ROBO2: variants seen among roughly 807,000 people sequenced by gnomAD.
The protein encoded by ROBO2 is roundabout guidance receptor 2, also known as roundabout homolog 2.
Under a neutral mutation model 160.8 loss-of-function variants are expected in ROBO2, and 53 were observed. The ratio of observed to expected loss-of-function variants is 0.33; its 90% confidence interval spans 0.26 to 0.41. The LOEUF is 0.41. Among genes scored for constraint, ROBO2 ranks in the 10% least tolerant of loss-of-function variants. The pLI, the probability that ROBO2 is intolerant of heterozygous loss-of-function variation, is 1.00. For synonymous variants in ROBO2, 664 were observed against 611.7 expected (o/e 1.09, Z -1.26); for missense variants, 1,577 against 1,722.4 (o/e 0.92, Z 1.49).
intron 2 of ROBO2, among the ~76,000 whole-genome samples, chr3:76,150,277 C>T (rs2072119777): frequency 6.8e-6 from 1 of 146,314 alleles, no homozygotes; most frequent in African/African-American, 2.5e-5. Flanking sequence ...GTTTAAAACA[C>T]TCATCTGTCT....
chr3:76,009,967 A>C (rs1471654138), intron 2 of ROBO2, among the ~76,000 whole-genome samples: 1 of 152,066 alleles, frequency 6.6e-6, no homozygotes, highest in Non-Finnish European at 1.5e-5. Flanking sequence ...TGATTCAGTG[A>C]TTACTATTTC....
At chr3:77,509,788 G>A (rs2089135877) in intron 5 of ROBO2, among the ~76,000 whole-genome samples, 1 of 151,990 alleles carries the variant, frequency 6.6e-6, no homozygotes. Flanking sequence ...CAACAAATTT[G>A]TCACGGCTGC....
At chr3:76,968,236 T>A (rs1329930818) in intron 2 of ROBO2, among the ~76,000 whole-genome samples, 1 of 152,150 alleles carries the variant, frequency 6.6e-6, no homozygotes, top group Non-Finnish European at 1.5e-5. Flanking sequence ...ATATGAGGCA[T>A]ATTGTTTTAT....
chr3:77,001,207 A>G (rs1469687093), intron 2 of ROBO2, among the ~76,000 whole-genome samples: 2 of 152,194 alleles, frequency 1.3e-5, no homozygotes, highest in African/African-American at 4.8e-5. Flanking sequence ...GAACAGAGCT[A>G]TTACTTTAAA....
chr3:76,931,926 C>T (rs953681336), intron 2 of ROBO2, among the ~76,000 whole-genome samples: 17 of 152,280 alleles, frequency 1.1e-4, no homozygotes, highest in African/African-American at 4.1e-4. Flanking sequence ...GGTGATCTAC[C>T]TGCCTTGGCC....
intron 2 of ROBO2, among the ~76,000 whole-genome samples, chr3:76,372,738 A>C (rs1282666995): frequency 6.6e-6 from 1 of 151,878 alleles, no homozygotes. Context: ...TTTTATCATT[A>C]CTGCCCAAAT....
At chr3:76,796,315 TG>T (rs2063688798) in intron 2 of ROBO2, among the ~76,000 whole-genome samples, 1 of 151,846 alleles carries the variant, frequency 6.6e-6, no homozygotes, top group South Asian at 2.1e-4. Flanking sequence ...CTTTCATCAA[TG>T]TTCTTAGCTA....
intron 2 of ROBO2, among the ~76,000 whole-genome samples, chr3:76,674,377 C>CACG (rs112919355): frequency 9.1e-4 from 139 of 152,058 alleles, no homozygotes; most frequent in African/African-American, 3.1e-3. Flanking sequence ...ACGTGTAGTG[C>CACG]TGGGCACCAG....
chr3:76,791,895 A>G (rs1413380030), intron 2 of ROBO2, among the ~76,000 whole-genome samples: 1 of 151,864 alleles, frequency 6.6e-6, no homozygotes, highest in Non-Finnish European at 1.5e-5. Context: ...CTATTTACAT[A>G]GCCTTTTACA....
At chr3:76,971,111 A>G (rs1207177655) in intron 2 of ROBO2, among the ~76,000 whole-genome samples, 3 of 152,220 alleles carry the variant, frequency 2.0e-5, no homozygotes, top group Admixed American at 1.3e-4. Context: ...ACTTATTTGT[A>G]TATAATCACA....
chr3:77,474,377 A>G (rs1043555769), intron 2 of ROBO2, among the ~76,000 whole-genome samples: 1 of 152,138 alleles, frequency 6.6e-6, no homozygotes, highest in African/African-American at 2.4e-5. Flanking sequence ...TCGATTTTTC[A>G]GTGAAACATC....
At chr3:76,309,250 A>C (rs1296721203) in intron 2 of ROBO2, among the ~76,000 whole-genome samples, 3 of 152,244 alleles carry the variant, frequency 2.0e-5, no homozygotes, top group African/African-American at 7.2e-5. Flanking sequence ...AGTGACTGGA[A>C]AAAGAAAATC....
At chr3:77,262,594 A>G (rs1224362344) in intron 2 of ROBO2, among the ~76,000 whole-genome samples, 2 of 152,086 alleles carry the variant, frequency 1.3e-5, no homozygotes, top group African/African-American at 4.8e-5. Context: ...TTGAACCTGA[A>G]GTAGAGAGTG....
At chr3:76,985,909 A>C (rs1476603502) in intron 2 of ROBO2, among the ~76,000 whole-genome samples, 2 of 152,180 alleles carry the variant, frequency 1.3e-5, no homozygotes, top group Admixed American at 1.3e-4. Context: ...TTTTGTTGGA[A>C]ATCCCTTACA....
chr3:77,269,359 G>A (rs1275557417), intron 2 of ROBO2, among the ~76,000 whole-genome samples: 9 of 152,132 alleles, frequency 5.9e-5, no homozygotes, highest in Non-Finnish European at 1.3e-4. Context: ...AGGCAGAAAG[G>A]AAATCAGCAT....
chr3:77,258,229 A>C (rs2153324550), intron 2 of ROBO2, among the ~76,000 whole-genome samples: 1 of 152,358 alleles, frequency 6.6e-6, no homozygotes, highest in Admixed American at 6.5e-5. Flanking sequence ...GTGAAAGTGT[A>C]GCTGGAAATT....
In ROBO2 at chr3:76,116,358, C is replaced by T. The variant is rs2070470642; in HGVS notation, c.109+178756C>T. Among the ~76,000 whole-genome samples the T allele has an allele frequency of 1.3e-5, 2 of 152,148 alleles. 1 individual carries two copies. The highest frequency in any genetic ancestry group is 4.1e-4 in the South Asian group (2 of 4,830). ...CTCCTATGGATATCCTTAACGGAAT[C>T]CTCAGTCAGACGTAGAATAAATTAA... On this transcript the variant is annotated intron_variant, in intron 2 of 26. Coordinates refer to the ROBO2 transcript ENST00000487694.
At chr3:76,617,140 C>A (rs1259610258) in intron 2 of ROBO2, among the ~76,000 whole-genome samples, 1 of 151,876 alleles carries the variant, frequency 6.6e-6, no homozygotes, top group Non-Finnish European at 1.5e-5. Flanking sequence ...GGTCCAAAGC[C>A]CCAGGTATGA....
At chr3:77,474,651 G>A (rs979168987) in intron 2 of ROBO2, among the ~76,000 whole-genome samples, 1 of 118,590 alleles carries the variant, frequency 8.4e-6, no homozygotes, top group South Asian at 3.0e-4. Context: ...GAGGATTTAG[G>A]GGGAATACAC....
Sources: gnomAD v4.1 joint callset for allele counts (sites outside exome capture counted in the v4.1 genomes callset) on GRCh38, gnomAD v4.1.1 for gene constraint, MANE v1.5 for transcripts, NCBI Gene and HGNC (gene_info 2026-07-23, HGNC 2026-07-21) for gene names.